NCKAP5: variants seen among roughly 807,000 people sequenced by gnomAD.
NCKAP5 encodes nck-associated protein 5.
NCKAP5 carries 92 observed loss-of-function variants against 167.0 expected under a neutral mutation model. The observed-to-expected ratio is 0.55, with a 90% confidence interval of 0.47 to 0.66. The LOEUF (loss-of-function observed/expected upper bound fraction) is 0.66. Among genes scored for constraint, NCKAP5 ranks in the 30% least tolerant of loss-of-function variants. NCKAP5 has a pLI of 0.00. For missense variants in NCKAP5, 2,378 were observed against 2,315.0 expected (o/e 1.03, Z -0.56); for synonymous variants, 891 against 877.4 (o/e 1.02, Z -0.27).
At chr2:133,282,246 T>A (rs929125825) in intron 4 of NCKAP5, among the ~76,000 whole-genome samples, 1 of 152,180 alleles carries the variant, frequency 6.6e-6, no homozygotes, top group African/African-American at 2.4e-5. Flanking sequence ...GATAAAGTAT[T>A]ATTATTTCTT....
intron 11 of NCKAP5, among the ~76,000 whole-genome samples, chr2:132,845,178 T>A (rs1168638160): frequency 6.6e-6 from 1 of 152,164 alleles, no homozygotes; most frequent in Non-Finnish European, 1.5e-5. Context: ...GAAATTCTAA[T>A]TCATGGAATT....
At chr2:133,447,340 G>A (rs888348139) in intron 3 of NCKAP5, among the ~76,000 whole-genome samples, 3 of 152,130 alleles carry the variant, frequency 2.0e-5, no homozygotes, top group East Asian at 1.9e-4. Flanking sequence ...ATAGTCTTAC[G>A]TAAATAATAA....
rs114215023 is a variant in NCKAP5 at position 133,159,610 on chromosome 2, G to T, written c.208-29499C>A. ...ATTAAGTACAATATGCAGGGTTGGT[G>T]AGAACCACTGGCATGTTCCTGTAAG... On this transcript the variant is annotated intron_variant, in intron 5 of 19. Coordinates refer to ENST00000409261, the MANE Select transcript of NCKAP5 (RefSeq NM_207363.3). Among the ~76,000 whole-genome samples, 1,052 of 152,330 alleles carry T rather than the reference G, an allele frequency of 6.9e-3. 7 individuals carry two copies. The highest frequency in any genetic ancestry group is 0.017 in the South Asian group (80 of 4,830).
intron 4 of NCKAP5, among the ~76,000 whole-genome samples, chr2:133,247,634 T>C (rs2088069129): frequency 6.6e-6 from 1 of 152,190 alleles, no homozygotes. Context: ...CACTTAAAAA[T>C]ATGAATATGT....
At chr2:133,554,874 C>T (rs1189688023) in intron 2 of NCKAP5, among the ~76,000 whole-genome samples, 5 of 152,008 alleles carry the variant, frequency 3.3e-5, no homozygotes, top group Non-Finnish European at 7.4e-5. Flanking sequence ...ACTGAAGTTA[C>T]AAGTCAGAGG....
chr2:133,617,521 A>C, the NCKAP5 span, among the ~76,000 whole-genome samples: 1 of 141,120 alleles, frequency 7.1e-6, no homozygotes, highest in Non-Finnish European at 1.5e-5. Context: ...AGACAAACAG[A>C]GAGCCAAATC....
At chr2:133,083,000 G>T (rs1448773254) in intron 6 of NCKAP5, among the ~76,000 whole-genome samples, 1 of 152,148 alleles carries the variant, frequency 6.6e-6, no homozygotes, top group Non-Finnish European at 1.5e-5. Context: ...AGAATCAGGA[G>T]AGATGCCACA....
chr2:133,178,886 C>T (rs528994276), intron 5 of NCKAP5, among the ~76,000 whole-genome samples: 15 of 150,592 alleles, frequency 1.0e-4, no homozygotes, highest in African/African-American at 3.7e-4. Flanking sequence ...CCAGCAGGGC[C>T]TAAGCATGGT....
At chr2:133,385,274 CA>C (rs1446880247) in intron 3 of NCKAP5, among the ~76,000 whole-genome samples, 4 of 152,158 alleles carry the variant, frequency 2.6e-5, no homozygotes, top group African/African-American at 9.7e-5. Flanking sequence ...TGAATTTTGT[CA>C]AAGGCCTTTT....
chr2:133,302,874 T>C (rs1680495991), intron 4 of NCKAP5, among the ~76,000 whole-genome samples, 163 bp downstream of exon 4: 1 of 152,156 alleles, frequency 6.6e-6, no homozygotes, highest in East Asian at 1.9e-4. Flanking sequence ...AGTTTTCACA[T>C]TACAATTTTG....
At chr2:132,692,076 C>A (rs1415605945) in intron 19 of NCKAP5, among the ~76,000 whole-genome samples, 1 of 151,842 alleles carries the variant, frequency 6.6e-6, no homozygotes, top group Non-Finnish European at 1.5e-5. Flanking sequence ...TGAAGCCATG[C>A]CCTCATTATA....
intron 3 of NCKAP5, among the ~76,000 whole-genome samples, chr2:133,507,006 G>T (rs532778835): frequency 6.6e-6 from 1 of 151,052 alleles, no homozygotes; most frequent in South Asian, 2.1e-4. Flanking sequence ...TCCTGCCTCA[G>T]GGACCTACCA....
At chr2:132,812,087 C>T (rs1685920028) in intron 11 of NCKAP5, among the ~76,000 whole-genome samples, 1 of 152,188 alleles carries the variant, frequency 6.6e-6, no homozygotes, top group African/African-American at 2.4e-5. Flanking sequence ...TCTCCCTTTC[C>T]CACTTCCGCA....
At chr2:133,505,269 G>A (rs1682900580) in intron 3 of NCKAP5, among the ~76,000 whole-genome samples, 1 of 152,158 alleles carries the variant, frequency 6.6e-6, no homozygotes, top group African/African-American at 2.4e-5. Context: ...ATTGAACTAA[G>A]AAGAAAGGAA....
chr2:132,710,419 A>C (rs1688733141), intron 19 of NCKAP5, among the ~76,000 whole-genome samples: 1 of 152,226 alleles, frequency 6.6e-6, no homozygotes, highest in African/African-American at 2.4e-5. Flanking sequence ...CTTTCATAGA[A>C]TCTCACATAC....
At chr2:133,358,900 C>T (rs770470785) in intron 3 of NCKAP5, among the ~76,000 whole-genome samples, 2 of 152,204 alleles carry the variant, frequency 1.3e-5, no homozygotes, top group South Asian at 2.1e-4. Context: ...TTGCAAGAAA[C>T]GTGTTAAAGC....
At chr2:132,770,867 G>A (rs12615508) in intron 16 of NCKAP5, among the ~76,000 whole-genome samples, 7,828 of 152,206 alleles carry the variant, frequency 0.051, 533 homozygotes, top group Admixed American at 0.17. Flanking sequence ...TAGTGACGTC[G>A]TAGTTAAACC....
At chr2:133,357,937 CT>C (rs1684848245) in intron 3 of NCKAP5, among the ~76,000 whole-genome samples, 1 of 152,166 alleles carries the variant, frequency 6.6e-6, no homozygotes, top group Admixed American at 6.5e-5. Context: ...TACCAAAGAA[CT>C]GGTGATTACC....
Position 132,747,194 on chromosome 2 carries a change from A to G in NCKAP5, c.5129-15143T>C, listed in dbSNP as rs573457100. Among the ~76,000 whole-genome samples the G allele has an allele frequency of 7.9e-5, 12 of 151,792 alleles. No homozygotes were observed. The East Asian group carries it at 2.1e-3, about 27-fold the overall frequency. ...GCCAAAAAAAAAAAACAAAACAAAG[A>G]AAACCAAAACTGAAATCAAACAGTG... is the stretch of plus-strand genomic sequence containing the variant. On this transcript the variant is annotated intron_variant, in intron 16 of 19. Coordinates refer to ENST00000409261, the MANE Select transcript of NCKAP5 (RefSeq NM_207363.3).
Sources: allele counts gnomAD v4.1 joint callset (sites outside exome capture counted in the v4.1 genomes callset), GRCh38; gene constraint gnomAD v4.1.1; transcripts MANE v1.5; gene names NCBI Gene and HGNC (gene_info 2026-07-23, HGNC 2026-07-21).